Variants in FMNL2 observed in about 807,000 individuals in gnomAD.
FMNL2 encodes the protein formin-like protein 2.
Under a neutral mutation model 130.2 loss-of-function variants are expected in FMNL2, and 51 were observed. The observed-to-expected ratio is 0.39, with a 90% confidence interval of 0.31 to 0.49. The LOEUF is 0.49. Ranked by LOEUF, FMNL2 falls within the 20% of genes least tolerant of loss-of-function variation. FMNL2 has a pLI of 0.85. For synonymous variants in FMNL2, 465 were observed against 467.1 expected (o/e 1.00, Z 0.06); for missense variants, 977 against 1,316.2 (o/e 0.74, Z 3.99).
intron 9 of FMNL2, among the ~76,000 whole-genome samples, chr2:152,602,908 A>G (rs552276825): frequency 7.9e-5 from 12 of 152,302 alleles, no homozygotes; most frequent in African/African-American, 2.9e-4. Context: ...ATGTTCCACC[A>G]TGATGGTCCT....
intron 6 of FMNL2, among the ~76,000 whole-genome samples, chr2:152,570,430 A>G (rs376432663): frequency 7.2e-5 from 11 of 152,278 alleles, no homozygotes; most frequent in African/African-American, 2.6e-4. Context: ...TCCCTTCCCT[A>G]TTGTATTTTT....
intron 5 of FMNL2, among the ~76,000 whole-genome samples, chr2:152,559,678 G>A (rs1695417778): frequency 2.0e-5 from 3 of 152,154 alleles, no homozygotes; most frequent in Admixed American, 6.5e-5. Context: ...AGGAACACAC[G>A]CTGAATGGCG....
intron 9 of FMNL2, among the ~76,000 whole-genome samples, chr2:152,597,284 A>G (rs144034948): frequency 2.1e-3 from 316 of 152,382 alleles, no homozygotes; most frequent in Admixed American, 3.3e-3. Flanking sequence ...TGCCAAGTGC[A>G]TAAGTCTGAA....
At chr2:152,635,372 A>T (rs1682504571) in intron 21 of FMNL2, among the ~76,000 whole-genome samples, 1 of 152,190 alleles carries the variant, frequency 6.6e-6, no homozygotes, top group Non-Finnish European at 1.5e-5. Flanking sequence ...TGCATTGTTG[A>T]TGTTGCGAGT....
intron 1 of FMNL2, among the ~76,000 whole-genome samples, chr2:152,517,145 A>T (rs1474526774): frequency 1.3e-5 from 2 of 151,520 alleles, no homozygotes; most frequent in Non-Finnish European, 2.9e-5. Context: ...TTTTCAGGAA[A>T]ATATTGCTAG....
chr2:152,454,373 A>G (rs548607414), intron 1 of FMNL2, among the ~76,000 whole-genome samples: 163 of 152,182 alleles, frequency 1.1e-3, no homozygotes, highest in Middle Eastern at 3.4e-3. Flanking sequence ...CTTAATCTTT[A>G]TTTTTTCTCT....
chr2:152,485,545 C>T (rs868491261), intron 1 of FMNL2, among the ~76,000 whole-genome samples: 5 of 152,056 alleles, frequency 3.3e-5, no homozygotes, highest in Non-Finnish European at 5.9e-5. Flanking sequence ...CTCTGCCTGT[C>T]ATAGATAGAT....
chr2:152,415,844 A>G lies in FMNL2; in HGVS notation c.117+80124A>G, dbSNP rs116782469. ...CACCAAAGGGACATGGTTGATGTGA[A>G]TTGATTCTCTGAAGAAATATTTACC... On this transcript the variant is annotated intron_variant, in intron 1 of 25. Transcript: ENST00000288670. Among the ~76,000 whole-genome samples the G allele has an allele frequency of 2.3e-3, 348 of 152,326 alleles. 1 individual carries two copies. The highest frequency in any genetic ancestry group is 8.1e-3 in the African/African-American group (337 of 41,572).
rs781629276 is a variant in FMNL2 at position 152,625,527 on chromosome 2, G to C, written c.1927G>C (p.Val643Leu). ...GAAGCCCAATCAGATCAATGGCACA[G>C]TCTTCAATGAAATTGATGATGAGCG... ...ALKPNQINGT[V>L]FNEIDDERIL... Residue 643 changes from valine (V) to leucine (L), a missense_variant, in exon 16 of 26, where the codon GTC (valine) becomes CTC (leucine). Transcript: ENST00000288670. 1 of 1,608,166 alleles carries C rather than the reference G, an allele frequency of 6.2e-7. No homozygotes were observed. Among genetic ancestry groups the C allele is most frequent in the Admixed American group, 1.7e-5 (1 of 59,974 alleles).
rs796954245 is a variant in FMNL2 at position 152,375,877 on chromosome 2, C to CTCTCTCTATATATATATA, written c.117+40158_117+40159insCTCTCTATATATATATAT. Among the ~76,000 whole-genome samples the CTCTCTCTATATATATATA allele has an allele frequency of 5.3e-4, 60 of 112,474 alleles. No homozygotes were observed. The East Asian group carries it at 0.013, about 24-fold the overall frequency. 73.8% of individuals were successfully genotyped at this position (112,474 alleles called of 152,430 possible). Reference sequence around the variant, plus strand: ...TCTCTCTCTCTCTCTCTCTCTCTCTCTATATATATATATATATATAATTAT... The same window carrying CTCTCTCTATATATATATA: ...TCTCTCTCTCTCTCTCTCTCTCTCTCTCTCTCTATATATATATATATATATATATATATATATAATTAT... On this transcript the variant is annotated intron_variant, in intron 1 of 25. Coordinates refer to ENST00000288670, the MANE Select transcript of FMNL2 (RefSeq NM_052905.4).
chr2:152,479,440 C>T (rs1010727728), intron 1 of FMNL2, among the ~76,000 whole-genome samples: 33 of 152,178 alleles, frequency 2.2e-4, no homozygotes, highest in Admixed American at 2.0e-3. Flanking sequence ...CCACTGCTTC[C>T]GGCCAAGTGA....
chr2:152,635,970 G>C (rs1044073714), intron 21 of FMNL2, among the ~76,000 whole-genome samples: 1 of 152,186 alleles, frequency 6.6e-6, no homozygotes, highest in African/African-American at 2.4e-5. Context: ...CTCCAGCCTG[G>C]ATGACATTGT....
chr2:152,498,578 ATTTG>A (rs551239778), intron 1 of FMNL2, among the ~76,000 whole-genome samples: 48 of 152,176 alleles, frequency 3.2e-4, no homozygotes, highest in Middle Eastern at 3.4e-3. Context: ...TCCTTCTTCT[ATTTG>A]TTTAAGTCGT....
At chr2:152,590,006 TATACATATAC>T (rs1230974022) in intron 9 of FMNL2, among the ~76,000 whole-genome samples, 35 of 140,282 alleles carry the variant, frequency 2.5e-4, no homozygotes, top group African/African-American at 9.1e-4. Flanking sequence ...TGTATATATA[TATACATATAC>T]ATATATATAT....
At chr2:152,571,912 TAAGTG>T (rs893093089) in intron 6 of FMNL2, among the ~76,000 whole-genome samples, 14 of 152,332 alleles carry the variant, frequency 9.2e-5, no homozygotes, top group African/African-American at 3.4e-4. Context: ...TTTTCAATCT[TAAGTG>T]AATCGGTGTG....
intron 1 of FMNL2, among the ~76,000 whole-genome samples, chr2:152,491,184 T>A (rs931687298): frequency 3.9e-5 from 6 of 152,188 alleles, no homozygotes; most frequent in Non-Finnish European, 7.3e-5. Context: ...AAAATGAACA[T>A]CTGGCAAAGA....
chr2:152,556,575 G>A (rs1047193813), intron 4 of FMNL2, among the ~76,000 whole-genome samples: 1 of 152,128 alleles, frequency 6.6e-6, no homozygotes, highest in Admixed American at 6.5e-5. Context: ...CATGTTAAGC[G>A]AATTGTAACT....
intron 1 of FMNL2, among the ~76,000 whole-genome samples, chr2:152,431,194 C>G (rs988574116): frequency 4.3e-4 from 66 of 152,168 alleles, no homozygotes; most frequent in African/African-American, 1.4e-3. Flanking sequence ...TGCTTTAAAT[C>G]ATCTTCCTTG....
intron 1 of FMNL2, among the ~76,000 whole-genome samples, chr2:152,511,982 A>G (rs750635799): frequency 2.0e-5 from 3 of 152,174 alleles, no homozygotes; most frequent in East Asian, 1.9e-4. Context: ...TTGACATTCA[A>G]CAGCAGAATA....
Sources: allele counts gnomAD v4.1 joint callset (sites outside exome capture counted in the v4.1 genomes callset), GRCh38; gene constraint gnomAD v4.1.1; transcripts MANE v1.5; gene names NCBI Gene and HGNC (gene_info 2026-07-23, HGNC 2026-07-21).